Variants in TGFBR2 observed in about 807,000 individuals in gnomAD.
The protein encoded by TGFBR2 is transforming growth factor beta receptor 2.
In TGFBR2, 18 loss-of-function variants were observed where a neutral mutation model predicts 49.0. The observed-to-expected ratio is 0.37, with a 90% CI of 0.25 to 0.54. The LOEUF is 0.54. Ranked by LOEUF, TGFBR2 falls within the 20% of genes least tolerant of loss-of-function variation. The probability of loss-of-function intolerance (pLI) is 0.85; values close to 1 mark genes in which losing one functional copy is unlikely to be tolerated. For synonymous variants in TGFBR2, 282 were observed against 275.9 expected, an observed-to-expected ratio of 1.02 and a Z score of -0.22; for missense variants, 525 against 722.6, an observed-to-expected ratio of 0.73 and a Z score of 3.13.
rs530691186 is a variant in TGFBR2 at position 30,642,012 on chromosome 3, G to T, written c.95-2735G>T. On this transcript the variant is annotated intron_variant, in intron 1 of 6. Transcript: ENST00000295754. ...TGTTGATTGTGTTCTGCAAGCATCG[G>T]ACTTAAACCACTTGCATTTGTCAAT... Among the ~76,000 whole-genome samples the T allele has an allele frequency of 5.3e-4, 81 of 151,720 alleles. 2 individuals are homozygous for T. In the South Asian group the frequency reaches 0.016, roughly 31 times the overall value.
At chr3:30,625,044 T>G (rs1171913486) in intron 1 of TGFBR2, among the ~76,000 whole-genome samples, 3 of 152,212 alleles carry the variant, frequency 2.0e-5, no homozygotes, top group African/African-American at 4.8e-5. Flanking sequence ...TTAAAAGGGA[T>G]TCCATAGCAA....
rs891238058 is a variant in TGFBR2 at position 30,671,659 on chromosome 3, A to C, written c.476A>C (p.Asp159Ala). 3 of 1,614,008 alleles carry C rather than the reference A, an allele frequency of 1.9e-6. No individual in the cohort carries two copies. In the African/African-American group the frequency reaches 4.0e-5, roughly 22 times the overall value. Residue 159 changes from aspartate (D) to alanine (A), a missense_variant, in exon 4 of 7, where the codon GAC (aspartate) becomes GCC (alanine). By Grantham distance (126) the Asp-to-Ala change is moderately radical (BLOSUM62 -2). Transcript: ENST00000295754. ...FSEEYNTSNP[D>A]LLLVIFQVTG... The stretch of plus-strand genomic sequence containing the variant: ...TCAGAATATAACACCAGCAATCCTG[A>C]CTTGTTGCTAGTCATATTTCAAGTG...
chr3:30,661,948 G>C (rs1215645661), intron 3 of TGFBR2, among the ~76,000 whole-genome samples: 1 of 152,158 alleles, frequency 6.6e-6, no homozygotes, highest in Non-Finnish European at 1.5e-5. Flanking sequence ...AAATCTGTCA[G>C]ACTTTAGAGT....
intron 2 of TGFBR2, among the ~76,000 whole-genome samples, chr3:30,645,711 C>T (rs1412153996): frequency 6.6e-6 from 1 of 152,036 alleles, no homozygotes; most frequent in Admixed American, 6.6e-5. Flanking sequence ...GTCTCGAACT[C>T]CCGACCTCAG....
At chr3:30,628,519 A>T in intron 1 of TGFBR2, among the ~76,000 whole-genome samples, 1 of 142,336 alleles carries the variant, frequency 7.0e-6, no homozygotes, top group Non-Finnish European at 1.5e-5. Flanking sequence ...CCTTTGAAAA[A>T]GCCTGTGGGT....
At chr3:30,644,588 C>A (rs556288292) in intron 1 of TGFBR2, among the ~76,000 whole-genome samples, 159 bp from the exon 2 acceptor site, 114 of 152,306 alleles carry the variant, frequency 7.5e-4, no homozygotes, top group African/African-American at 2.7e-3. Context: ...TTGCATACAC[C>A]AGATAATTCT....
chr3:30,638,146 A>T (rs1698573949), intron 1 of TGFBR2, among the ~76,000 whole-genome samples: 1 of 152,250 alleles, frequency 6.6e-6, no homozygotes, highest in Non-Finnish European at 1.5e-5. Flanking sequence ...TATTTAAAGT[A>T]GCGTTTTTTT....
At chr3:30,679,815 G>A (rs1699508154) in intron 5 of TGFBR2, among the ~76,000 whole-genome samples, 1 of 152,178 alleles carries the variant, frequency 6.6e-6, no homozygotes, top group Non-Finnish European at 1.5e-5. Flanking sequence ...CCTGGCCAAT[G>A]GAGAACGTAT....
chr3:30,675,393 C>T (rs948362867), intron 5 of TGFBR2, among the ~76,000 whole-genome samples: 3 of 145,238 alleles, frequency 2.1e-5, no homozygotes, highest in African/African-American at 2.5e-5. Context: ...TAACTCCACC[C>T]TTTTTTTTTT....
intron 5 of TGFBR2, 123 bp from the exon 6 acceptor site, chr3:30,688,261 T>G (rs1414659913): frequency 1.6e-6 from 2 of 1,274,986 alleles, no homozygotes; most frequent in Non-Finnish European, 2.3e-6. Context: ...GCTCTTAGAG[T>G]AATTACGTAT....
At chr3:30,650,026 A>G (rs969129783) in intron 2 of TGFBR2, among the ~76,000 whole-genome samples, 1 of 152,174 alleles carries the variant, frequency 6.6e-6, no homozygotes, top group Admixed American at 6.5e-5. Context: ...GCTCCAGGTG[A>G]TGTTTATAAT....
At chr3:30,643,558 CAT>C (rs1176528312) in intron 1 of TGFBR2, among the ~76,000 whole-genome samples, 1 of 152,218 alleles carries the variant, frequency 6.6e-6, no homozygotes, top group Non-Finnish European at 1.5e-5. Context: ...TTTATAATCA[CAT>C]TCCTCTCTAA....
At chr3:30,642,705 G>C (rs1201214437) in intron 1 of TGFBR2, among the ~76,000 whole-genome samples, 1 of 152,104 alleles carries the variant, frequency 6.6e-6, no homozygotes, top group Non-Finnish European at 1.5e-5. Flanking sequence ...TAAACAAAAC[G>C]TGGTTTCACT....
intron 1 of TGFBR2, among the ~76,000 whole-genome samples, chr3:30,607,179 G>A (rs1043690797): frequency 6.6e-6 from 1 of 152,342 alleles, no homozygotes; most frequent in East Asian, 1.9e-4. Context: ...GGAAAGTTCA[G>A]TTGCAAGGGG....
At chr3:30,642,661 A>G (rs1266716421) in intron 1 of TGFBR2, among the ~76,000 whole-genome samples, 2 of 152,230 alleles carry the variant, frequency 1.3e-5, no homozygotes, top group African/African-American at 4.8e-5. Flanking sequence ...CTTGTCCAAA[A>G]CATACTCTAT....
At chr3:30,649,670 G>A (rs1020707221) in intron 2 of TGFBR2, among the ~76,000 whole-genome samples, 7 of 152,032 alleles carry the variant, frequency 4.6e-5, no homozygotes, top group African/African-American at 1.7e-4. Flanking sequence ...AAAGACTGCA[G>A]TTCTTTATCT....
At chr3:30,681,455 C>T (rs1375965802) in intron 5 of TGFBR2, among the ~76,000 whole-genome samples, 1 of 152,130 alleles carries the variant, frequency 6.6e-6, no homozygotes, top group African/African-American at 2.4e-5. Context: ...CCATTGCTGT[C>T]CCAGAGACCT....
chr3:30,679,717 G>A (rs746878701), intron 5 of TGFBR2, among the ~76,000 whole-genome samples: 2 of 152,236 alleles, frequency 1.3e-5, no homozygotes, highest in Admixed American at 1.3e-4. Flanking sequence ...GAAGGCTCAG[G>A]AAGTGCGAAA....
intron 3 of TGFBR2, chr3:30,661,473 G>A (rs1191021720): frequency 2.3e-6 from 1 of 435,972 alleles, no homozygotes; most frequent in East Asian, 6.9e-5. Context: ...GCCTAAAAGA[G>A]CAAAGGCTGA....
Sources: gnomAD v4.1 joint callset for allele counts (sites outside exome capture counted in the v4.1 genomes callset) on GRCh38, gnomAD v4.1.1 for gene constraint, MANE v1.5 for transcripts, NCBI Gene and HGNC (gene_info 2026-07-23, HGNC 2026-07-21) for gene names.